Variants in OR9Q1 observed in about 807,000 individuals in gnomAD.
OR9Q1 encodes the protein olfactory receptor 9Q1.
For missense variants in OR9Q1, 374 were observed against 378.8 expected (o/e 0.99, Z 0.11); for synonymous variants, 153 against 148.6 (o/e 1.03, Z -0.22).
intron 2 of OR9Q1, among the ~76,000 whole-genome samples, chr11:58,105,948 A>G (rs1408084597): frequency 6.6e-6 from 1 of 152,088 alleles, no homozygotes; most frequent in Non-Finnish European, 1.5e-5. Context: ...TCTTTCTTCG[A>G]GATCCTAATT....
chr11:58,065,802 T>G (rs937205873), intron 2 of OR9Q1, among the ~76,000 whole-genome samples: 44 of 152,174 alleles, frequency 2.9e-4, no homozygotes, highest in Admixed American at 6.5e-5. Context: ...TTGCAGTTGC[T>G]CAGCTGCTCA....
At chr11:58,120,420 GA>G (rs1272352894) in intron 2 of OR9Q1, among the ~76,000 whole-genome samples, 1 of 151,952 alleles carries the variant, frequency 6.6e-6, no homozygotes, top group Admixed American at 6.6e-5. Context: ...TTAAGGAAAA[GA>G]AAATTTATTA....
chr11:58,135,348 G>T (rs749479418), intron 2 of OR9Q1, among the ~76,000 whole-genome samples: 4 of 152,030 alleles, frequency 2.6e-5, no homozygotes, highest in Non-Finnish European at 5.9e-5. Context: ...TTCATCTCTC[G>T]CTTGAACTAC....
intron 2 of OR9Q1, among the ~76,000 whole-genome samples, chr11:58,132,652 T>C (rs537746354): frequency 6.6e-6 from 1 of 152,300 alleles, no homozygotes; most frequent in African/African-American, 2.4e-5. Context: ...AGGGTCACCT[T>C]GGGTTGATGA....
intron 2 of OR9Q1, chr11:58,171,061 T>C (rs192406967): frequency 2.4e-4 from 36 of 152,258 alleles, no homozygotes; most frequent in African/African-American, 7.0e-4. Flanking sequence ...TTGGGACTCA[T>C]TGATGGGAAA....
chr11:58,133,941 A>G (rs971049304), intron 2 of OR9Q1, among the ~76,000 whole-genome samples: 3 of 152,306 alleles, frequency 2.0e-5, no homozygotes, highest in Non-Finnish European at 4.4e-5. Context: ...ATCAGCCATC[A>G]GTGATACCAG....
intron 2 of OR9Q1, among the ~76,000 whole-genome samples, chr11:58,087,082 G>C (rs996685140): frequency 6.6e-5 from 10 of 151,580 alleles, no homozygotes; most frequent in African/African-American, 2.4e-4. Context: ...GCATAAACAT[G>C]TATCAAAACA....
chr11:58,109,603 T>C, intron 2 of OR9Q1: 1 of 457,242 alleles, frequency 2.2e-6, no homozygotes. Context: ...CAGTTCAGGG[T>C]GATCTGTGAA....
chr11:58,101,783 G>C (rs1380960851), intron 2 of OR9Q1, among the ~76,000 whole-genome samples: 1 of 151,924 alleles, frequency 6.6e-6, no homozygotes, highest in Non-Finnish European at 1.5e-5. Flanking sequence ...TTTCATTCTT[G>C]TTGCCCAGGC....
At chr11:58,163,525 G>T (rs1229208472) in intron 2 of OR9Q1, among the ~76,000 whole-genome samples, 3 of 152,230 alleles carry the variant, frequency 2.0e-5, no homozygotes, top group Non-Finnish European at 2.9e-5. Flanking sequence ...TTTCTCAGCT[G>T]CAGAGAGCTG....
intron 2 of OR9Q1, among the ~76,000 whole-genome samples, chr11:58,114,927 C>G (rs1366028457): frequency 6.6e-6 from 1 of 152,044 alleles, no homozygotes; most frequent in Non-Finnish European, 1.5e-5. Flanking sequence ...AGGTTGGTCT[C>G]ATCTATTAGC....
At chr11:58,162,194 G>A (rs1042893615) in intron 2 of OR9Q1, among the ~76,000 whole-genome samples, 2 of 152,176 alleles carry the variant, frequency 1.3e-5, no homozygotes, top group Non-Finnish European at 2.9e-5. Flanking sequence ...TACCATTATT[G>A]TCATTCATTA....
At chr11:58,081,939 C>T (rs545412187) in intron 2 of OR9Q1, among the ~76,000 whole-genome samples, 2 of 151,962 alleles carry the variant, frequency 1.3e-5, no homozygotes, top group East Asian at 3.9e-4. Context: ...ATGATCAGGG[C>T]ATTTTTAAGA....
chr11:58,104,887 C>A (rs1179532602), intron 2 of OR9Q1, among the ~76,000 whole-genome samples: 1 of 152,108 alleles, frequency 6.6e-6, no homozygotes, highest in Non-Finnish European at 1.5e-5. Flanking sequence ...TGTCAATTTG[C>A]CTGAGTCAAG....
At chr11:58,115,476 T>G (rs1331527254) in intron 2 of OR9Q1, among the ~76,000 whole-genome samples, 1 of 152,198 alleles carries the variant, frequency 6.6e-6, no homozygotes, top group Non-Finnish European at 1.5e-5. Flanking sequence ...TATCAAAGCA[T>G]GATGTTGTAC....
chr11:58,025,319 G>A (rs1279775518), intron 1 of OR9Q1, among the ~76,000 whole-genome samples: 1 of 152,044 alleles, frequency 6.6e-6, no homozygotes, highest in Non-Finnish European at 1.5e-5. Flanking sequence ...GGTGCCCGCC[G>A]TGCTACTATA....
At chr11:58,053,551 CACTA>C (rs1200191486) in intron 1 of OR9Q1, among the ~76,000 whole-genome samples, 3 of 129,954 alleles carry the variant, frequency 2.3e-5, no homozygotes, top group Non-Finnish European at 3.4e-5. Context: ...ATACATATGT[CACTA>C]ACCTGCACAT....
intron 2 of OR9Q1, among the ~76,000 whole-genome samples, chr11:58,063,170 TC>T (rs1853397282): frequency 1.3e-5 from 2 of 152,234 alleles, no homozygotes; most frequent in South Asian, 4.1e-4. Context: ...TTCTGTACTT[TC>T]TTTTTCCCCT....
intron 2 of OR9Q1, among the ~76,000 whole-genome samples, chr11:58,070,263 G>A (rs188013239): frequency 2.5e-3 from 386 of 151,604 alleles, no homozygotes; most frequent in African/African-American, 9.0e-3. Flanking sequence ...TGATCTGCTC[G>A]CCTTGGCCTC....
Sources: gnomAD v4.1 joint callset for allele counts (sites outside exome capture counted in the v4.1 genomes callset) on GRCh38, gnomAD v4.1.1 for gene constraint, MANE v1.5 for transcripts, NCBI Gene and HGNC (gene_info 2026-07-23, HGNC 2026-07-21) for gene names.